IAH1: variants seen among roughly 807,000 people sequenced by gnomAD.
IAH1 encodes the protein isoamyl acetate-hydrolyzing esterase 1 homolog.
Under a neutral mutation model 26.7 loss-of-function variants are expected in IAH1, and 24 were observed. The ratio of observed to expected loss-of-function variants is 0.90; its 90% CI spans 0.65 to 1.26. The LOEUF (loss-of-function observed/expected upper bound fraction) is 1.26, where lower values mean the gene tolerates loss of function less well. IAH1 is among the 50% of genes most tolerant of loss of function. IAH1 has a pLI of 0.00. For synonymous variants in IAH1, 140 were observed against 118.5 expected (o/e 1.18, Z -1.18); for missense variants, 300 against 299.9 (o/e 1.00, Z 0.00).
chr2:9,508,885 AG>A, the IAH1 span, among the ~76,000 whole-genome samples: 6 of 152,190 alleles, frequency 3.9e-5, no homozygotes, highest in Admixed American at 3.3e-4. Context: ...CTCTGGCACA[AG>A]TTGTCAAGCA....
intron 5 of IAH1, chr2:9,484,782 C>T: frequency 2.1e-6 from 1 of 479,892 alleles, no homozygotes; most frequent in Middle Eastern, 5.7e-4. Flanking sequence ...TGCGCAGTGA[C>T]ATCAATGAGC....
At chr2:9,481,868 G>A (rs762351542) in intron 4 of IAH1, among the ~76,000 whole-genome samples, 7 of 151,990 alleles carry the variant, frequency 4.6e-5, no homozygotes, top group Non-Finnish European at 7.4e-5. Context: ...GATAGGAGTC[G>A]CCAGCACTCC....
At chr2:9,474,542 C>G (rs985287327), upstream of IAH1, 9 of 1,398,618 alleles carry the variant, frequency 6.4e-6, no homozygotes, top group Admixed American at 5.9e-5. This position sits in a 1 kb window ranked among gnomAD's most constrained non-coding sequence, Gnocchi z 4.3. Flanking sequence ...GCTGGCGGCC[C>G]CGCCCCGCCC....
downstream of IAH1, among the ~76,000 whole-genome samples, chr2:9,494,254 G>A (rs1386739329): frequency 6.6e-6 from 1 of 152,182 alleles, no homozygotes; most frequent in Non-Finnish European, 1.5e-5. Context: ...AAGTCAAGCA[G>A]CCTTCTAGGT....
At chr2:9,497,383 C>A, downstream of IAH1, 1 of 1,109,446 alleles carries the variant, frequency 9.0e-7, no homozygotes, top group East Asian at 2.5e-5. Context: ...AGAGCTAGGA[C>A]AAGAGCCTGC....
chr2:9,477,350 T>G (rs892698106), intron 2 of IAH1, among the ~76,000 whole-genome samples: 3 of 152,168 alleles, frequency 2.0e-5, no homozygotes, highest in African/African-American at 7.2e-5. Context: ...AATCATAAGT[T>G]GAACCCCAGG....
At chr2:9,491,879 C>T (rs542650455), downstream of IAH1, among the ~76,000 whole-genome samples, 12 of 152,348 alleles carry the variant, frequency 7.9e-5, no homozygotes, top group East Asian at 2.1e-3. Flanking sequence ...TCCACATGTG[C>T]AACTTCCCTG....
chr2:9,474,690 GC>G lies in IAH1; in HGVS notation c.81+44del. 1.4e-6 allele frequency: 2 copies of G among 1,434,676 alleles called. No homozygotes were observed. The allele number at this position is 1,434,676 out of a possible 1,614,324, so 88.9% of individuals were successfully genotyped here. A position where few individuals can be genotyped will look rare whatever the true frequency, so the allele number is the denominator to read the frequency against. On this transcript the variant is annotated intron_variant, in intron 1 of 5. Transcript: ENST00000497473. The surrounding 1 kb of genome is among the most constrained non-coding windows in gnomAD (Gnocchi z 4.3). ...CTCGGCCTCCCGCCCCGGCCTCCCT[GC>G]GGGGTCGCTGCCGAGCAGGCCGAGG...
At position 9,474,928 on chromosome 2, in the gene IAH1, C is replaced by T; in HGVS notation, c.81+281C>T. 1.2e-6 allele frequency: 1 copy of T among 827,130 alleles called. No homozygotes were observed. The highest frequency in any genetic ancestry group is 1.5e-6 in the Non-Finnish European group (1 of 653,082). The allele number at this position is 827,130 out of a possible 1,614,324, so 51.2% of individuals were successfully genotyped here. On this transcript the variant is annotated intron_variant, in intron 1 of 5. Coordinates refer to ENST00000497473, the MANE Select transcript of IAH1 (RefSeq NM_001039613.3). This position sits in a 1 kb window ranked among gnomAD's most constrained non-coding sequence, Gnocchi z 4.3. ...TGCCCGCCCCGCGCCGCCTCCCACC[C>T]GGGTCGAGATGCGCGGTCTTCCCCT...
intron 1 of IAH1, 69 bp from the exon 2 acceptor site, chr2:9,475,918 T>C: frequency 7.2e-7 from 1 of 1,393,920 alleles, no homozygotes. Flanking sequence ...AAGTTGCCAA[T>C]CAGAACTGCC....
At chr2:9,505,068 T>A in the IAH1 span, 1 of 1,316,836 alleles carries the variant, frequency 7.6e-7, no homozygotes, top group Admixed American at 2.0e-5. Flanking sequence ...CTCACACCCC[T>A]TTCAGTTGAT....
At chr2:9,509,766 G>T in the IAH1 span, among the ~76,000 whole-genome samples, 1 of 152,074 alleles carries the variant, frequency 6.6e-6, no homozygotes. Context: ...ACACCATTAA[G>T]CTTGACAACA....
chr2:9,500,407 G>A (rs1374767905), downstream of IAH1, among the ~76,000 whole-genome samples: 1 of 152,226 alleles, frequency 6.6e-6, no homozygotes, highest in Non-Finnish European at 1.5e-5. Context: ...TGTGGGGAAT[G>A]GGGGGATTGG....
chr2:9,502,459 C>G, the IAH1 span, among the ~76,000 whole-genome samples: 1 of 152,282 alleles, frequency 6.6e-6, no homozygotes, highest in South Asian at 2.1e-4. Flanking sequence ...TTGTCCCTTC[C>G]TAATGTGCGT....
chr2:9,492,969 TGTC>T (rs1375222660), downstream of IAH1: 1 of 1,611,432 alleles, frequency 6.2e-7, no homozygotes. Flanking sequence ...CCAACGATGT[TGTC>T]TGCTAAAAAC....
chr2:9,483,645 C>T (rs1661310545), intron 4 of IAH1, among the ~76,000 whole-genome samples: 3 of 152,146 alleles, frequency 2.0e-5, no homozygotes, highest in African/African-American at 7.2e-5. Flanking sequence ...CTGTTTGCAG[C>T]CTCCTGAGCC....
chr2:9,475,925 T>A (rs1029784796), intron 1 of IAH1, 62 bp from the exon 2 acceptor site: 135 of 1,440,716 alleles, frequency 9.4e-5, no homozygotes, highest in Non-Finnish European at 1.1e-4. Flanking sequence ...CAATCAGAAC[T>A]GCCCTCGCTG....
At chr2:9,480,779 G>A (rs1379677420) in intron 3 of IAH1, 1 of 153,004 alleles carries the variant, frequency 6.5e-6, no homozygotes, top group African/African-American at 2.4e-5. Flanking sequence ...GTATTCGTGG[G>A]TGCCATTTGT....
chr2:9,482,372 T>C (rs1661237131), intron 4 of IAH1, among the ~76,000 whole-genome samples: 1 of 152,194 alleles, frequency 6.6e-6, no homozygotes, highest in African/African-American at 2.4e-5. Context: ...CTAGGACAAA[T>C]GACTGGCTTT....
Sources: gnomAD v4.1 joint callset for allele counts (sites outside exome capture counted in the v4.1 genomes callset) on GRCh38, gnomAD v4.1.1 for gene constraint, Gnocchi (gnomAD v3.1) non-coding constraint, MANE v1.5 for transcripts, NCBI Gene and HGNC (gene_info 2026-07-23, HGNC 2026-07-21) for gene names.